The following SORD variants were observed in gnomAD, a reference collection of about 807,000 sequenced individuals.
SORD encodes (R,R)-butanediol dehydrogenase.
SORD carries 18 observed loss-of-function variants against 35.6 expected under a neutral mutation model. The observed-to-expected ratio is 0.51, with a 90% CI of 0.35 to 0.75. The LOEUF is 0.75. Ranked by LOEUF, SORD falls within the 30% of genes least tolerant of loss-of-function variation. SORD has a pLI of 0.01. For missense variants in SORD, 250 were observed against 390.2 expected (o/e 0.64, Z 3.03); for synonymous variants, 106 against 152.9 (o/e 0.69, Z 2.26).
intron 4 of SORD, among the ~76,000 whole-genome samples, chr15:45,063,429 T>C (rs1215665870): frequency 6.6e-6 from 1 of 151,598 alleles, no homozygotes; most frequent in African/African-American, 2.4e-5. Flanking sequence ...CTCATCCTCG[T>C]TCTCCATCAA....
At chr15:45,039,592 A>G (rs1892932766) in intron 1 of SORD, among the ~76,000 whole-genome samples, 1 of 152,184 alleles carries the variant, frequency 6.6e-6, no homozygotes, top group Admixed American at 6.5e-5. Flanking sequence ...TACTACTACT[A>G]GCTGTGAACA....
At chr15:45,033,785 G>T (rs1050331413) in intron 1 of SORD, among the ~76,000 whole-genome samples, 1 of 148,986 alleles carries the variant, frequency 6.7e-6, no homozygotes, top group Non-Finnish European at 1.5e-5. Context: ...GATTGGTTAA[G>T]ATCAGGTTTC....
chr15:45,053,420 G>C (rs1893160196), intron 3 of SORD, among the ~76,000 whole-genome samples: 2 of 152,150 alleles, frequency 1.3e-5, no homozygotes, highest in African/African-American at 4.8e-5. Flanking sequence ...CAATTACTGA[G>C]AGACAACTTG....
At chr15:45,064,319 A>T (rs911172641) in intron 4 of SORD, among the ~76,000 whole-genome samples, 3 of 152,126 alleles carry the variant, frequency 2.0e-5, no homozygotes, top group Non-Finnish European at 2.9e-5. Flanking sequence ...CAATTCTCTT[A>T]ATGTCAGTGA....
At chr15:45,036,035 C>G (rs1413448436) in intron 1 of SORD, among the ~76,000 whole-genome samples, 1 of 151,678 alleles carries the variant, frequency 6.6e-6, no homozygotes, top group Non-Finnish European at 1.5e-5. Flanking sequence ...GAACAAACAA[C>G]TGCAGAAACG....
chr15:45,068,309 T>C, intron 6 of SORD, 63 bp downstream of exon 6: 1 of 1,197,044 alleles, frequency 8.4e-7, no homozygotes, highest in Non-Finnish European at 1.2e-6. Context: ...TGTATGTGCA[T>C]GTGTGAGGAG....
chr15:45,034,143 T>G (rs1408038088), intron 1 of SORD, among the ~76,000 whole-genome samples: 1 of 151,318 alleles, frequency 6.6e-6, no homozygotes, highest in East Asian at 1.9e-4. Flanking sequence ...TTTTACTTCT[T>G]TTGTAATAAG....
At chr15:45,062,373 G>GC (rs1033082738) in intron 4 of SORD, among the ~76,000 whole-genome samples, 5 of 152,202 alleles carry the variant, frequency 3.3e-5, no homozygotes, top group Admixed American at 6.5e-5. Context: ...TTTCTGCGTG[G>GC]CCCCCCATGG....
chr15:45,059,975 G>A (rs1893276770), intron 3 of SORD, among the ~76,000 whole-genome samples: 1 of 152,212 alleles, frequency 6.6e-6, no homozygotes, highest in Non-Finnish European at 1.5e-5. Flanking sequence ...GATGGGGCTG[G>A]GGATTGACTG....
At chr15:45,049,231 T>C (rs1307474032) in intron 3 of SORD, among the ~76,000 whole-genome samples, 3 of 151,808 alleles carry the variant, frequency 2.0e-5, no homozygotes, top group African/African-American at 7.2e-5. Flanking sequence ...GGTTTTTTTC[T>C]TTCTCGTTCC....
chr15:45,044,904 G>A (rs1241091341), intron 3 of SORD, among the ~76,000 whole-genome samples: 5 of 151,958 alleles, frequency 3.3e-5, no homozygotes, highest in African/African-American at 1.2e-4. Context: ...CACCGTGTTG[G>A]CCAGGCTGGT....
intron 1 of SORD, among the ~76,000 whole-genome samples, chr15:45,028,887 G>T (rs66525603): frequency 0.21 from 31,107 of 150,586 alleles, no homozygotes; most frequent in African/African-American, 0.44. Flanking sequence ...AGAAGCGGAT[G>T]GTATAATGAG....
chr15:45,029,644 C>A (rs1892738984), intron 1 of SORD, among the ~76,000 whole-genome samples: 1 of 152,290 alleles, frequency 6.6e-6, no homozygotes. Context: ...TGGTGAGGGG[C>A]AAAGGGCCAG....
chr15:45,056,508 C>T (rs1283623079), intron 3 of SORD, among the ~76,000 whole-genome samples: 2 of 152,216 alleles, frequency 1.3e-5, no homozygotes, highest in Non-Finnish European at 2.9e-5. Context: ...AATGGAAGAA[C>T]ATTCCATGCT....
At chr15:45,039,967 C>T (rs1892939730) in intron 1 of SORD, among the ~76,000 whole-genome samples, 1 of 152,104 alleles carries the variant, frequency 6.6e-6, no homozygotes, top group African/African-American at 2.4e-5. Flanking sequence ...GTGCTTTTTC[C>T]TTAGTCCTGG....
chr15:45,069,824 G>A (rs1369722720), intron 7 of SORD: 2 of 152,054 alleles, frequency 1.3e-5, no homozygotes, highest in African/African-American at 4.8e-5. Context: ...GATTTTCCAG[G>A]GTCACAGCTG....
chr15:45,058,249 C>T (rs890892932), intron 3 of SORD, among the ~76,000 whole-genome samples: 8 of 152,144 alleles, frequency 5.3e-5, no homozygotes, highest in African/African-American at 1.9e-4. Flanking sequence ...GTAGCCTCAA[C>T]CAGAAACCTT....
chr15:45,053,209 G>A (rs1893157412), intron 3 of SORD, among the ~76,000 whole-genome samples: 2 of 152,264 alleles, frequency 1.3e-5, no homozygotes, highest in South Asian at 4.1e-4. Flanking sequence ...ATACCAAGAA[G>A]CCTTTGAAAC....
intron 1 of SORD, among the ~76,000 whole-genome samples, chr15:45,033,070 T>C (rs1224914237): frequency 1.3e-5 from 2 of 152,032 alleles, no homozygotes; most frequent in South Asian, 2.1e-4. Flanking sequence ...CATTGCACTC[T>C]TTCCACAACT....
Sources: gnomAD v4.1 joint callset for allele counts (sites outside exome capture counted in the v4.1 genomes callset) on GRCh38, gnomAD v4.1.1 for gene constraint, MANE v1.5 for transcripts, NCBI Gene and HGNC (gene_info 2026-07-23, HGNC 2026-07-21) for gene names.